OVAAL: variants seen among roughly 807,000 people sequenced by gnomAD.
OVAAL encodes the protein ovarian adenocarcinoma amplified long non-coding RNA, also known as long intergenic non-protein coding RNA 1131.
At chr1:180,564,690 C>T (rs1345151167) in intron 2 of OVAAL, among the ~76,000 whole-genome samples, 1 of 152,078 alleles carries the variant, frequency 6.6e-6, no homozygotes, top group Non-Finnish European at 1.5e-5. Flanking sequence ...AGGTGAGTGT[C>T]CTCAGTTGTG....
chr1:180,563,003 G>A (rs889723869), intron 2 of OVAAL, among the ~76,000 whole-genome samples: 1 of 152,182 alleles, frequency 6.6e-6, no homozygotes, highest in Non-Finnish European at 1.5e-5. Flanking sequence ...AGATAAACAT[G>A]AAAGCAGCTT....
intron 2 of OVAAL, among the ~76,000 whole-genome samples, chr1:180,564,923 T>A (rs771911545): frequency 2.4e-4 from 37 of 152,152 alleles, no homozygotes; most frequent in Non-Finnish European, 2.1e-4. Context: ...GATTTTAAGG[T>A]TCTAATGAGA....
At chr1:180,562,187 T>C (rs1449794579) in intron 1 of OVAAL, 1 of 152,290 alleles carries the variant, frequency 6.6e-6, no homozygotes, top group Non-Finnish European at 1.5e-5. Context: ...TCATCAGAGC[T>C]CCTATTTTCT....
chr1:180,561,376 T>C (rs1653196287), intron 1 of OVAAL, among the ~76,000 whole-genome samples: 1 of 152,020 alleles, frequency 6.6e-6, no homozygotes, highest in Non-Finnish European at 1.5e-5. Flanking sequence ...GGACCTGGCA[T>C]TTGCTGTCAG....
At chr1:180,561,657 A>G (rs889390933) in intron 1 of OVAAL, among the ~76,000 whole-genome samples, 1 of 152,188 alleles carries the variant, frequency 6.6e-6, no homozygotes, top group Non-Finnish European at 1.5e-5. Flanking sequence ...TAAAACCCCA[A>G]CAAGTTGGTC....
intron 1 of OVAAL, among the ~76,000 whole-genome samples, chr1:180,561,658 C>T (rs1001076380): frequency 1.3e-5 from 2 of 152,120 alleles, no homozygotes; most frequent in African/African-American, 4.8e-5. Flanking sequence ...AAAACCCCAA[C>T]AAGTTGGTCT....
intron 2 of OVAAL, among the ~76,000 whole-genome samples, chr1:180,564,865 C>T (rs2102146540): frequency 6.6e-6 from 1 of 152,320 alleles, no homozygotes; most frequent in African/African-American, 2.4e-5. Context: ...AAATCGGGAT[C>T]TCCAGGGGCA....
chr1:180,561,901 T>C (rs574120086), intron 1 of OVAAL, among the ~76,000 whole-genome samples: 1 of 151,858 alleles, frequency 6.6e-6, no homozygotes, highest in African/African-American at 2.4e-5. Flanking sequence ...TGAGCACCTG[T>C]AATCCCAGCT....
chr1:180,565,677 A>G (rs1193512374), exon 3 of OVAAL: 2 of 152,236 alleles, frequency 1.3e-5, no homozygotes, highest in African/African-American at 4.8e-5. Context: ...AGCAGGATAC[A>G]GCAAGATTAT....
intron 1 of OVAAL, among the ~76,000 whole-genome samples, chr1:180,560,430 C>T (rs983685546): frequency 2.6e-5 from 4 of 152,136 alleles, no homozygotes; most frequent in African/African-American, 9.7e-5. Context: ...CAGGATCATA[C>T]AAAGTCTAGA....
rs1653258136 is a variant in OVAAL at position 180,564,294 on chromosome 1, A to G, written n.514-957A>G. ...GCTCTGTTAAATTTGAATTTCAGAT[A>G]AATGAATACTTGTAAGTATAACTAT... On this transcript the variant is annotated intron_variant and non_coding_transcript_variant, in intron 2 of 2. Coordinates refer to ENST00000673955, the Ensembl canonical transcript of OVAAL. 2.0e-5 allele frequency among the ~76,000 whole-genome samples: 3 copies of G among 152,220 alleles called. No homozygotes were observed. In the South Asian group the frequency reaches 6.2e-4, roughly 32 times the overall value.
chr1:180,559,964 G>A (rs1279683223), intron 1 of OVAAL, among the ~76,000 whole-genome samples: 3 of 151,350 alleles, frequency 2.0e-5, no homozygotes, highest in Admixed American at 2.0e-4. Context: ...CAAAATAATA[G>A]TAATAATAGC....
chr1:180,563,620 G>A (rs558854749), intron 2 of OVAAL, among the ~76,000 whole-genome samples: 5 of 152,162 alleles, frequency 3.3e-5, no homozygotes, highest in Non-Finnish European at 7.4e-5. Context: ...CGTTGAGGGT[G>A]GTTTGTCCAT....
rs191758252 is a variant in OVAAL, at chr1:180,561,718, A to T, written n.373-486A>T. Among the ~76,000 whole-genome samples the T allele has an allele frequency of 2.0e-4, 30 of 150,810 alleles. No homozygotes were observed. The South Asian group carries it at 4.0e-3, about 20-fold the overall frequency. On this transcript the variant is annotated intron_variant and non_coding_transcript_variant, in intron 1 of 2. Coordinates refer to ENST00000673955, the Ensembl canonical transcript of OVAAL. ...GTATGGTCATAATAATTTTAATTTT[A>T]TTTTTTTTTTAATTAGAGTTCTGGC...
chr1:180,565,992 T>C (rs1653282454), exon 3 of OVAAL: 2 of 152,246 alleles, frequency 1.3e-5, no homozygotes, highest in South Asian at 4.1e-4. Context: ...TCAATCCCTT[T>C]GGCCTTCTTG....
At chr1:180,563,873 A>C (rs964134922) in intron 2 of OVAAL, among the ~76,000 whole-genome samples, 4 of 151,994 alleles carry the variant, frequency 2.6e-5, no homozygotes, top group African/African-American at 9.7e-5. Flanking sequence ...CTATAGGGAG[A>C]CTGCCTTTCC....
intron 2 of OVAAL, among the ~76,000 whole-genome samples, chr1:180,562,698 G>A (rs1037448347): frequency 1.1e-4 from 16 of 152,308 alleles, no homozygotes; most frequent in African/African-American, 3.1e-4. Context: ...GGGACACAAG[G>A]TATTCAGTAG....
chr1:180,561,349 G>T (rs146807846), intron 1 of OVAAL, among the ~76,000 whole-genome samples: 34 of 152,284 alleles, frequency 2.2e-4, no homozygotes, highest in Non-Finnish European at 4.9e-4. Flanking sequence ...GACCACAGAG[G>T]ATGCAGTGGG....
At chr1:180,561,637 A>C (rs1423488636) in intron 1 of OVAAL, among the ~76,000 whole-genome samples, 1 of 152,202 alleles carries the variant, frequency 6.6e-6, no homozygotes, top group East Asian at 1.9e-4. Flanking sequence ...CCTAAGGCTC[A>C]GTGGGAAGAT....
Sources: gnomAD v4.1 joint callset for allele counts (sites outside exome capture counted in the v4.1 genomes callset) on GRCh38, gnomAD v4.1.1 for gene constraint, MANE v1.5 for transcripts, NCBI Gene and HGNC (gene_info 2026-07-23, HGNC 2026-07-21) for gene names.